Variants in DGKH observed in about 807,000 individuals in gnomAD.
DGKH encodes diacylglycerol kinase eta, also known as DAG kinase eta.
In DGKH, 90 loss-of-function variants were observed where a neutral mutation model predicts 159.3. That is an observed-to-expected ratio of 0.57 (90% CI 0.48 to 0.67). The LOEUF is 0.67. Among genes scored for constraint, DGKH ranks in the 30% least tolerant of loss-of-function variants. The pLI is 0.00. For missense variants in DGKH, 1,181 were observed against 1,506.1 expected (o/e 0.78, Z 3.57); for synonymous variants, 536 against 553.8 (o/e 0.97, Z 0.45).
At chr13:42,082,432 T>A (rs1954218836) in intron 1 of DGKH, among the ~76,000 whole-genome samples, 1 of 152,220 alleles carries the variant, frequency 6.6e-6, no homozygotes. Context: ...ATTCTCATGT[T>A]GTTTGCCTTA....
chr13:42,183,112 A>G (rs181512886), intron 13 of DGKH, among the ~76,000 whole-genome samples: 1 of 152,256 alleles, frequency 6.6e-6, no homozygotes, highest in African/African-American at 2.4e-5. Flanking sequence ...AACATAGTGG[A>G]ATCCCATCTC....
At chr13:42,067,221 C>T (rs560673874) in intron 1 of DGKH, among the ~76,000 whole-genome samples, 16 of 152,020 alleles carry the variant, frequency 1.1e-4, no homozygotes, top group South Asian at 4.2e-4. Flanking sequence ...GAATCAAATG[C>T]GTGTTAAACT....
chr13:42,121,055 A>G (rs551308682), intron 1 of DGKH, among the ~76,000 whole-genome samples: 4 of 142,874 alleles, frequency 2.8e-5, no homozygotes, highest in Admixed American at 6.9e-5. Flanking sequence ...TGAAAGTAAT[A>G]ATATATATTA....
At chr13:42,171,107 A>T (rs538431158) in intron 11 of DGKH, among the ~76,000 whole-genome samples, 46 of 152,338 alleles carry the variant, frequency 3.0e-4, no homozygotes, top group Admixed American at 6.5e-4. Context: ...ATACAGTGGG[A>T]ATAAAAACAA....
chr13:42,120,949 C>T (rs976620215), intron 1 of DGKH, among the ~76,000 whole-genome samples: 1 of 152,062 alleles, frequency 6.6e-6, no homozygotes, highest in East Asian at 1.9e-4. Context: ...TGCCCATTTT[C>T]CTTTTTACTT....
At chr13:42,174,225 CT>C in intron 12 of DGKH, 81 bp downstream of exon 12, 2 of 1,161,650 alleles carry the variant, frequency 1.7e-6, no homozygotes, top group Non-Finnish European at 2.5e-6. Context: ...AGAAAATGTA[CT>C]CCTAATATAT....
At chr13:42,127,627 A>G (rs2137841230) in intron 2 of DGKH, 54 bp downstream of exon 2, 1 of 1,522,806 alleles carries the variant, frequency 6.6e-7, no homozygotes, top group East Asian at 2.3e-5. Context: ...TGGATGTAAA[A>G]TTTTGGTTCT....
chr13:42,092,615 A>T (rs1954441843), intron 1 of DGKH, among the ~76,000 whole-genome samples: 1 of 152,182 alleles, frequency 6.6e-6, no homozygotes. Context: ...GAGGGAGAGG[A>T]TGAAAGAGTC....
chr13:42,092,942 C>G (rs116655685), intron 1 of DGKH, among the ~76,000 whole-genome samples: 1 of 151,950 alleles, frequency 6.6e-6, no homozygotes, highest in African/African-American at 2.4e-5. Flanking sequence ...AGCAAGCACA[C>G]GAAAAGATGC....
chr13:42,229,248 A>C lies in DGKH; in HGVS notation c.*60A>C. On this transcript the variant is annotated 3_prime_UTR_variant, in exon 30 of 30. Coordinates refer to ENST00000337343, the MANE Select transcript of DGKH (RefSeq NM_178009.5). ...TGCCACTTAATACAAAGTCCTTGGA[A>C]GCAAGTGGCTGTTCTTGTAGTTTTC... 1 of 1,458,478 alleles carries C rather than the reference A, an allele frequency of 6.9e-7. No homozygotes were observed. The highest frequency in any genetic ancestry group is 9.4e-7 in the Non-Finnish European group (1 of 1,061,578). The allele number at this position is 1,458,478 out of a possible 1,614,324, so 90.3% of individuals were successfully genotyped here.
intron 22 of DGKH, 34 bp from the exon 23 acceptor site, chr13:42,209,297 G>T: frequency 1.3e-6 from 2 of 1,591,722 alleles, no homozygotes; most frequent in South Asian, 1.2e-5. Flanking sequence ...TTCTCTGGAT[G>T]ATTTGTACTC....
rs975166052 is a variant in DGKH, at chr13:42,228,247, A to G, written c.3574-852A>G. Among the ~76,000 whole-genome samples, 4 of 115,254 alleles carry G rather than the reference A, an allele frequency of 3.5e-5. No individual in the cohort carries two copies. The Admixed American group carries it at 4.4e-4, about 13-fold the overall frequency. The allele number at this position is 115,254 out of a possible 152,430, so 75.6% of individuals were successfully genotyped here. On this transcript the variant is annotated intron_variant, in intron 29 of 29. Coordinates refer to ENST00000337343, the MANE Select transcript of DGKH (RefSeq NM_178009.5). ...TAAATATTGAATTCTTGGCACTTAT[A>G]AGAAGAAGTTTCTTTAAGAAGCAAG...
At chr13:42,067,233 T>C (rs1882644589) in intron 1 of DGKH, among the ~76,000 whole-genome samples, 1 of 152,144 alleles carries the variant, frequency 6.6e-6, no homozygotes, top group Non-Finnish European at 1.5e-5. Context: ...TGTTAAACTA[T>C]TTTAAGGGAA....
At chr13:42,117,993 G>A (rs920417714) in intron 1 of DGKH, among the ~76,000 whole-genome samples, 7 of 152,080 alleles carry the variant, frequency 4.6e-5, no homozygotes, top group Non-Finnish European at 7.4e-5. Flanking sequence ...CGAGACAGGC[G>A]GATCACGAGG....
At chr13:42,078,609 C>T (rs1461969571) in intron 1 of DGKH, among the ~76,000 whole-genome samples, 2 of 151,832 alleles carry the variant, frequency 1.3e-5, no homozygotes, top group Non-Finnish European at 2.9e-5. Flanking sequence ...AGGGGTTGGG[C>T]GGGGGACATG....
chr13:42,068,707 T>G (rs558460806), intron 1 of DGKH, among the ~76,000 whole-genome samples: 78 of 152,330 alleles, frequency 5.1e-4, no homozygotes, highest in Admixed American at 1.4e-3. Flanking sequence ...TGTCTCCTCC[T>G]GCATTGCATT....
At chr13:42,198,792 T>C (rs767147930) in intron 18 of DGKH, among the ~76,000 whole-genome samples, 197 bp downstream of exon 18, 1 of 152,206 alleles carries the variant, frequency 6.6e-6, no homozygotes, top group South Asian at 2.1e-4. Flanking sequence ...GATCTGTCCC[T>C]GAGATAGGTC....
chr13:42,128,577 G>T (rs1955219905), intron 2 of DGKH, among the ~76,000 whole-genome samples: 1 of 152,030 alleles, frequency 6.6e-6, no homozygotes. Context: ...TTTTCCATCT[G>T]CACTTGACAA....
rs139238877 is a variant in DGKH at position 42,137,898 on chromosome 13, G to A, written c.384+8266G>A. The A allele has an allele frequency of 2.6e-3, 408 of 155,182 alleles. 3 individuals carry two copies. The highest frequency in any genetic ancestry group is 9.4e-3 in the African/African-American group (393 of 41,638). 9.6% of individuals were successfully genotyped at this position (155,182 alleles called of 1,614,324 possible). ...TTTGAGGCGTTATCATATAGGAGAG[G>A]CTGTAGACAGGTTTTGTGTTACTGC... On this transcript the variant is annotated intron_variant, in intron 3 of 29. Coordinates refer to ENST00000337343, the MANE Select transcript of DGKH (RefSeq NM_178009.5).
Sources: gnomAD v4.1 joint callset for allele counts (sites outside exome capture counted in the v4.1 genomes callset) on GRCh38, gnomAD v4.1.1 for gene constraint, MANE v1.5 for transcripts, NCBI Gene and HGNC (gene_info 2026-07-23, HGNC 2026-07-21) for gene names.